Variants in SPATA16 observed in about 807,000 individuals in gnomAD.
SPATA16 encodes the protein spermatogenesis-associated protein 16.
SPATA16 carries 36 observed loss-of-function variants against 63.3 expected under a neutral mutation model. That is an observed-to-expected ratio of 0.57 (90% confidence interval 0.44 to 0.75). SPATA16 has a LOEUF of 0.75. Among genes scored for constraint, SPATA16 ranks in the 30% least tolerant of loss-of-function variants. The probability of loss-of-function intolerance (pLI) is 0.00; values close to 1 mark genes in which losing one functional copy is unlikely to be tolerated. For missense variants in SPATA16, 646 were observed against 679.3 expected (o/e 0.95, Z 0.54); for synonymous variants, 203 against 216.7 (o/e 0.94, Z 0.56).
chr3:172,972,220 T>C lies in SPATA16; in HGVS notation c.933+4748A>G, dbSNP rs561453565. On this transcript the variant is annotated intron_variant, in intron 5 of 10. Coordinates refer to ENST00000351008, the MANE Select transcript of SPATA16 (RefSeq NM_031955.6). ...GTTCTCTGCACAGATGGAAGACCTG[T>C]GAAGCTGGCACTGCCTCAGCCTCTG... is the stretch of plus-strand genomic sequence containing the variant. Among the ~76,000 whole-genome samples the C allele has an allele frequency of 1.6e-4, 24 of 152,300 alleles. No individual in the cohort carries two copies. The East Asian group carries it at 4.4e-3, about 28-fold the overall frequency.
intron 2 of SPATA16, among the ~76,000 whole-genome samples, chr3:173,093,864 TAA>T (rs10548964): frequency 0.097 from 14,686 of 152,130 alleles, 878 homozygotes; most frequent in East Asian, 0.23. Context: ...TGTAAATGAG[TAA>T]ATGGGAGCTA....
intron 2 of SPATA16, among the ~76,000 whole-genome samples, chr3:173,096,593 G>A (rs1007090517): frequency 6.6e-5 from 10 of 152,134 alleles, no homozygotes; most frequent in African/African-American, 2.4e-4. Flanking sequence ...GTAGAATAAA[G>A]GAAAGAATAA....
rs1010348651 is a variant in SPATA16 at position 172,981,258 on chromosome 3, C to A, written c.849-4206G>T. On this transcript the variant is annotated intron_variant, in intron 4 of 10. Coordinates refer to ENST00000351008, the MANE Select transcript of SPATA16 (RefSeq NM_031955.6). ...TTACTGCAACGGCCTCCAAACTGGG[C>A]TCCCTGCTTCTCCATCGGTTTATTC... Among the ~76,000 whole-genome samples the A allele has an allele frequency of 4.6e-5, 7 of 152,162 alleles. No homozygotes were observed. In the South Asian group the frequency reaches 1.2e-3, roughly 27 times the overall value.
At chr3:172,965,865 T>C (rs1039803355) in intron 5 of SPATA16, among the ~76,000 whole-genome samples, 1 of 152,192 alleles carries the variant, frequency 6.6e-6, no homozygotes, top group Non-Finnish European at 1.5e-5. Context: ...CGTGAGCCAC[T>C]GCGCCCGGCC....
intron 9 of SPATA16, among the ~76,000 whole-genome samples, chr3:172,915,864 AATATCTATTTT>A (rs1732471782): frequency 6.6e-6 from 1 of 152,160 alleles, no homozygotes; most frequent in Non-Finnish European, 1.5e-5. Flanking sequence ...TGGCACTGCC[AATATCTATTTT>A]AACCCTAGAA....
intron 3 of SPATA16, among the ~76,000 whole-genome samples, chr3:173,030,477 A>T (rs1735579847): frequency 6.6e-6 from 1 of 152,100 alleles, no homozygotes; most frequent in African/African-American, 2.4e-5. Flanking sequence ...ATATGAAAAG[A>T]TGTTTACATC....
chr3:172,981,009 C>T lies in SPATA16; in HGVS notation c.849-3957G>A, dbSNP rs1033235316. Reference sequence around the variant, plus strand: ...TCTTGTCAGTACCACTAATAGTTTCCGTATTGCCTAATGTAATGGTTCAAT... The same window carrying T: ...TCTTGTCAGTACCACTAATAGTTTCTGTATTGCCTAATGTAATGGTTCAAT... On this transcript the variant is annotated intron_variant, in intron 4 of 10. Transcript: ENST00000351008. 3.3e-5 allele frequency among the ~76,000 whole-genome samples: 5 copies of T among 152,250 alleles called. No individual in the cohort carries two copies. In the South Asian group the frequency reaches 1.0e-3, roughly 32 times the overall value.
chr3:172,979,204 TC>T (rs755054827), intron 4 of SPATA16, among the ~76,000 whole-genome samples: 1 of 151,652 alleles, frequency 6.6e-6, no homozygotes, highest in South Asian at 2.1e-4. Context: ...GCCACTGCAC[TC>T]CAGCCTGGGC....
intron 4 of SPATA16, among the ~76,000 whole-genome samples, chr3:173,014,570 A>G (rs1735139027): frequency 6.6e-6 from 1 of 152,370 alleles, no homozygotes; most frequent in East Asian, 1.9e-4. Context: ...CCGCACATGT[A>G]TCCCATGAAT....
intron 5 of SPATA16, among the ~76,000 whole-genome samples, chr3:172,961,059 CTTTCTT>C (rs1733760727): frequency 1.7e-4 from 6 of 36,236 alleles, no homozygotes; most frequent in African/African-American, 3.7e-4. Context: ...TTCTTTCTTT[CTTTCTT>C]CTTTCTTCCT....
chr3:173,115,609 TA>T (rs1340614389), intron 2 of SPATA16, among the ~76,000 whole-genome samples: 3 of 151,824 alleles, frequency 2.0e-5, no homozygotes, highest in African/African-American at 7.3e-5. Context: ...GATGACCCTT[TA>T]TGAGAACAGG....
intron 6 of SPATA16, among the ~76,000 whole-genome samples, chr3:172,946,137 A>G (rs1020538980): frequency 6.6e-6 from 1 of 152,196 alleles, no homozygotes; most frequent in Non-Finnish European, 1.5e-5. Flanking sequence ...TGAAGGGAAG[A>G]GCCCAGTCCT....
chr3:172,995,945 A>G (rs888760551), intron 4 of SPATA16, among the ~76,000 whole-genome samples: 1 of 152,114 alleles, frequency 6.6e-6, no homozygotes, highest in African/African-American at 2.4e-5. Context: ...GACTTTTTCA[A>G]ATCTCACCAG....
rs370834409 is a variant in SPATA16 at position 173,105,135 on chromosome 3, A to G, written c.612+11985T>C. Among the ~76,000 whole-genome samples the G allele has an allele frequency of 7.9e-5, 12 of 152,320 alleles. 1 individual carries two copies. Among genetic ancestry groups the G allele is most frequent in the Admixed American group, 2.6e-4 (4 of 15,298 alleles). On this transcript the variant is annotated intron_variant, in intron 2 of 10. Transcript: ENST00000351008. ...TTGAAACTACATCATATGCTCTACT[A>G]TATAATGAGTGCAAAGACTAATTGT... is the stretch of plus-strand genomic sequence containing the variant.
At chr3:173,105,237 G>A (rs1475371656) in intron 2 of SPATA16, among the ~76,000 whole-genome samples, 1 of 152,164 alleles carries the variant, frequency 6.6e-6, no homozygotes, top group African/African-American at 2.4e-5. Flanking sequence ...AGTTAACATA[G>A]TCCAACTTTT....
chr3:173,055,782 G>A (rs1736207775), intron 2 of SPATA16, among the ~76,000 whole-genome samples: 1 of 152,130 alleles, frequency 6.6e-6, no homozygotes, highest in Non-Finnish European at 1.5e-5. Context: ...TAAGTTTGGT[G>A]GATTGCCTTG....
At chr3:172,920,277 G>A (rs1290601128) in intron 8 of SPATA16, among the ~76,000 whole-genome samples, 1 of 152,194 alleles carries the variant, frequency 6.6e-6, no homozygotes, top group Non-Finnish European at 1.5e-5. Flanking sequence ...AGGGAAAAAT[G>A]CTTTTTAAAT....
intron 10 of SPATA16, among the ~76,000 whole-genome samples, chr3:172,890,770 A>G (rs1731878759): frequency 6.6e-6 from 1 of 151,760 alleles, no homozygotes; most frequent in Admixed American, 6.6e-5. Flanking sequence ...TTAAGAAAAC[A>G]AGATAAATTA....
At chr3:172,913,047 C>G (rs1029098935) in intron 10 of SPATA16, among the ~76,000 whole-genome samples, 40 of 152,158 alleles carry the variant, frequency 2.6e-4, no homozygotes, top group African/African-American at 9.7e-4. Flanking sequence ...GTTGATTGAT[C>G]AGAACTTAAT....
Sources: allele counts gnomAD v4.1 joint callset (sites outside exome capture counted in the v4.1 genomes callset), GRCh38; gene constraint gnomAD v4.1.1; transcripts MANE v1.5; gene names NCBI Gene and HGNC (gene_info 2026-07-23, HGNC 2026-07-21).